The following PCDH9 variants were observed in gnomAD, a reference collection of about 807,000 sequenced individuals.
PCDH9 encodes protocadherin 9, also known as protocadherin-9.
A neutral mutation model predicts 70.6 loss-of-function variants in PCDH9; 24 were observed. That is an observed-to-expected ratio of 0.34 (90% CI 0.25 to 0.48). PCDH9 has a LOEUF of 0.48. Ranked by LOEUF, PCDH9 falls within the 20% of genes least tolerant of loss-of-function variation. PCDH9 has a pLI of 0.99. For missense variants in PCDH9, 1,281 were observed against 1,503.6 expected (o/e 0.85, Z 2.45); for synonymous variants, 562 against 558.5 (o/e 1.01, Z -0.09).
chr13:66,694,277 C>G (rs1436561866), intron 3 of PCDH9, among the ~76,000 whole-genome samples: 1 of 152,126 alleles, frequency 6.6e-6, no homozygotes, highest in Non-Finnish European at 1.5e-5. Flanking sequence ...CTGTGCACAG[C>G]ATTGGCCTAA....
intron 2 of PCDH9, among the ~76,000 whole-genome samples, chr13:67,111,978 T>C (rs371937454): frequency 2.0e-5 from 3 of 152,344 alleles, no homozygotes; most frequent in South Asian, 2.1e-4. Flanking sequence ...AGTTATGTCA[T>C]GTCACAGTCC....
chr13:66,884,157 C>T (rs1411488574), intron 3 of PCDH9, among the ~76,000 whole-genome samples: 7 of 152,068 alleles, frequency 4.6e-5, no homozygotes, highest in Non-Finnish European at 1.0e-4. Context: ...CTCTGTCTCC[C>T]AAAGTGCTGG....
chr13:67,078,629 A>G (rs1594480323), intron 2 of PCDH9, among the ~76,000 whole-genome samples: 2 of 152,050 alleles, frequency 1.3e-5, no homozygotes, highest in Admixed American at 6.6e-5. Context: ...CCCTTCTGTA[A>G]TCTTTCCAAC....
chr13:66,967,343 A>T (rs1225667421), intron 2 of PCDH9, among the ~76,000 whole-genome samples: 2 of 152,100 alleles, frequency 1.3e-5, no homozygotes, highest in Non-Finnish European at 2.9e-5. Flanking sequence ...TATTCACCAC[A>T]TATAGCTATT....
At chr13:66,835,712 A>T (rs2081006664) in intron 3 of PCDH9, among the ~76,000 whole-genome samples, 1 of 152,168 alleles carries the variant, frequency 6.6e-6, no homozygotes, top group Non-Finnish European at 1.5e-5. Context: ...ATACATTTAC[A>T]ACCAATGGAC....
intron 2 of PCDH9, among the ~76,000 whole-genome samples, chr13:67,089,958 G>A (rs1010010797): frequency 1.1e-4 from 16 of 151,962 alleles, no homozygotes; most frequent in African/African-American, 3.9e-4. Flanking sequence ...AAGATTGGCC[G>A]TTTTTATTTT....
intron 4 of PCDH9, among the ~76,000 whole-genome samples, chr13:66,580,945 G>A (rs1047564508): frequency 1.4e-4 from 22 of 152,070 alleles, no homozygotes; most frequent in African/African-American, 5.3e-4. Context: ...TGAACATGGC[G>A]TTATTTCTAG....
chr13:67,010,366 G>A (rs1028197184), intron 2 of PCDH9, among the ~76,000 whole-genome samples: 2 of 151,898 alleles, frequency 1.3e-5, no homozygotes, highest in South Asian at 2.1e-4. Flanking sequence ...GTTGAGGCAC[G>A]GTGGGTGCCT....
chr13:66,851,757 C>T (rs2081318507), intron 3 of PCDH9, among the ~76,000 whole-genome samples: 1 of 152,134 alleles, frequency 6.6e-6, no homozygotes, highest in Non-Finnish European at 1.5e-5. Context: ...ATTTATAGCA[C>T]AACAAAATGA....
intron 3 of PCDH9, among the ~76,000 whole-genome samples, chr13:66,804,247 T>A (rs549822496): frequency 6.6e-6 from 1 of 152,294 alleles, no homozygotes; most frequent in South Asian, 2.1e-4. Context: ...TGTAAACTCA[T>A]CCCTGGGTTA....
In PCDH9 at chr13:66,303,845, A is replaced by G. The variant is rs537635745; in HGVS notation, c.*810T>C. 2.6e-5 allele frequency: 4 copies of G among 152,080 alleles called. No homozygotes were observed. Among genetic ancestry groups the G allele is most frequent in the Admixed American group, 1.3e-4 (2 of 15,244 alleles). 9.4% of individuals were successfully genotyped at this position (152,080 alleles called of 1,614,324 possible). A position where few individuals can be genotyped will look rare whatever the true frequency, so the allele number is the denominator to read the frequency against. On this transcript the variant is annotated 3_prime_UTR_variant, in exon 5 of 5. Transcript: ENST00000377865. ...GTATAAAGTTTTCATTTTTTCTTTC[A>G]TCTTTATTGTTTACAGAATTCCGGC...
At chr13:67,156,535 C>A (rs1399430244) in intron 2 of PCDH9, among the ~76,000 whole-genome samples, 1 of 151,910 alleles carries the variant, frequency 6.6e-6, no homozygotes, top group Non-Finnish European at 1.5e-5. Flanking sequence ...CGTGGAGTGC[C>A]CCAACTCCAG....
chr13:66,856,001 T>C (rs1421366763), intron 3 of PCDH9, among the ~76,000 whole-genome samples: 1 of 151,974 alleles, frequency 6.6e-6, no homozygotes, highest in South Asian at 2.1e-4. Flanking sequence ...AGTTTTTTTA[T>C]AGAGAGGTAA....
chr13:66,794,049 A>G (rs1447481060), intron 3 of PCDH9, among the ~76,000 whole-genome samples: 1 of 152,178 alleles, frequency 6.6e-6, no homozygotes, highest in African/African-American at 2.4e-5. Context: ...GCAGACATAA[A>G]GGTAACTGAA....
At chr13:66,383,315 G>A (rs968829331) in intron 4 of PCDH9, among the ~76,000 whole-genome samples, 1 of 152,068 alleles carries the variant, frequency 6.6e-6, no homozygotes, top group Non-Finnish European at 1.5e-5. Flanking sequence ...TCATAACATT[G>A]GTTTTAAAGA....
intron 3 of PCDH9, among the ~76,000 whole-genome samples, chr13:66,802,567 G>T (rs879657085): frequency 2.0e-5 from 3 of 151,920 alleles, no homozygotes; most frequent in East Asian, 1.9e-4. Flanking sequence ...CATTTCATTG[G>T]TTATTTAATC....
At chr13:66,630,274 A>G (rs915910341) in intron 4 of PCDH9, among the ~76,000 whole-genome samples, 1 of 152,174 alleles carries the variant, frequency 6.6e-6, no homozygotes, top group African/African-American at 2.4e-5. Flanking sequence ...AATTTCTTAC[A>G]TATCTCCTGC....
At chr13:66,976,226 A>C (rs2083617595) in intron 2 of PCDH9, among the ~76,000 whole-genome samples, 1 of 152,200 alleles carries the variant, frequency 6.6e-6, no homozygotes, top group African/African-American at 2.4e-5. Context: ...AGTTGCATGC[A>C]GTTATTTATT....
intron 3 of PCDH9, among the ~76,000 whole-genome samples, chr13:66,738,142 T>C (rs1280183355): frequency 6.6e-6 from 1 of 152,112 alleles, no homozygotes; most frequent in African/African-American, 2.4e-5. Flanking sequence ...CAGCTGGAGA[T>C]CTGAGAACGG....
Sources: allele counts gnomAD v4.1 joint callset (sites outside exome capture counted in the v4.1 genomes callset), GRCh38; gene constraint gnomAD v4.1.1; transcripts MANE v1.5; gene names NCBI Gene and HGNC (gene_info 2026-07-23, HGNC 2026-07-21).